Variants in KITLG observed in about 807,000 individuals in gnomAD.
The protein encoded by KITLG is c-Kit ligand.
KITLG carries 13 observed loss-of-function variants against 34.1 expected under a neutral mutation model. The observed-to-expected ratio is 0.38, with a 90% CI of 0.25 to 0.61. The LOEUF (loss-of-function observed/expected upper bound fraction) is 0.61. KITLG is among the 20% of genes least tolerant of loss of function. The pLI is 0.60. For missense variants in KITLG, 292 were observed against 318.9 expected (o/e 0.92, Z 0.64); for synonymous variants, 110 against 104.0 (o/e 1.06, Z -0.35).
At chr12:88,506,851 G>C (rs969156205) in intron 7 of KITLG, among the ~76,000 whole-genome samples, 177 bp downstream of exon 7, 18 of 152,182 alleles carry the variant, frequency 1.2e-4, no homozygotes, top group African/African-American at 4.3e-4. Flanking sequence ...TTATCAGCTA[G>C]AGGGATTGTC....
intron 1 of KITLG, among the ~76,000 whole-genome samples, chr12:88,563,723 G>A (rs1485922169): frequency 6.6e-6 from 1 of 152,210 alleles, no homozygotes; most frequent in Non-Finnish European, 1.5e-5. Context: ...CAATTTGGGA[G>A]ACCAAGGTGG....
At chr12:88,553,559 T>C (rs760886405) in intron 1 of KITLG, among the ~76,000 whole-genome samples, 7 of 152,224 alleles carry the variant, frequency 4.6e-5, no homozygotes, top group Non-Finnish European at 1.0e-4. Flanking sequence ...ACCCCTCATT[T>C]CTGGATAGTC....
rs1357318918 is a variant in KITLG at position 88,495,751 on chromosome 12, TG to T, written c.*1467del. 1 of 152,292 alleles carries T rather than the reference TG, an allele frequency of 6.6e-6. No homozygotes were observed. Among genetic ancestry groups the T allele is most frequent in the East Asian group, 1.9e-4 (1 of 5,196 alleles). 9.4% of individuals were successfully genotyped at this position (152,292 alleles called of 1,614,324 possible). ...ACTGTCATCTTACGGTTGTAGAACA[TG>T]GCAATAATGTTATCACAAAGATTAA... is the stretch of plus-strand genomic sequence containing the variant. On this transcript the variant is annotated 3_prime_UTR_variant, in exon 10 of 10. Coordinates refer to ENST00000644744, the MANE Select transcript of KITLG (RefSeq NM_000899.5).
intron 3 of KITLG, among the ~76,000 whole-genome samples, chr12:88,521,762 G>A (rs892284453): frequency 1.3e-5 from 2 of 152,088 alleles, no homozygotes; most frequent in Non-Finnish European, 2.9e-5. Context: ...ATTCTGCTTT[G>A]AGTGTAAAAA....
chr12:88,516,812 C>A, intron 4 of KITLG, among the ~76,000 whole-genome samples: 1 of 147,506 alleles, frequency 6.8e-6, no homozygotes. Context: ...TTAAAAGACC[C>A]CTCCATTACA....
intron 3 of KITLG, among the ~76,000 whole-genome samples, chr12:88,525,402 A>G (rs1355757531): frequency 6.6e-6 from 1 of 152,212 alleles, no homozygotes; most frequent in Non-Finnish European, 1.5e-5. Flanking sequence ...TTTTGCCAAG[A>G]GTTAAATGTT....
chr12:88,507,313 T>C (rs1408130783), intron 6 of KITLG, among the ~76,000 whole-genome samples, 176 bp from the exon 7 acceptor site: 2 of 152,194 alleles, frequency 1.3e-5, no homozygotes, highest in African/African-American at 2.4e-5. Flanking sequence ...TATAAATCCA[T>C]GTAGTCTCCA....
chr12:88,563,502 C>T (rs1484650824), intron 1 of KITLG, among the ~76,000 whole-genome samples: 1 of 152,224 alleles, frequency 6.6e-6, no homozygotes, highest in African/African-American at 2.4e-5. Flanking sequence ...AATGACACTT[C>T]ATCCCTCCCC....
chr12:88,508,188 A>T (rs371458334), intron 6 of KITLG, among the ~76,000 whole-genome samples: 10 of 143,592 alleles, frequency 7.0e-5, no homozygotes, highest in African/African-American at 2.5e-4. Flanking sequence ...CTCTGTCTTT[A>T]AAAAAAAAAA....
At chr12:88,541,851 G>GT in intron 2 of KITLG, among the ~76,000 whole-genome samples, 2 of 152,270 alleles carry the variant, frequency 1.3e-5, no homozygotes, top group African/African-American at 4.8e-5. Flanking sequence ...CATAAATCAT[G>GT]GGCTTCTGTG....
At chr12:88,579,040 C>T (rs1592593174) in intron 1 of KITLG, among the ~76,000 whole-genome samples, 1 of 152,148 alleles carries the variant, frequency 6.6e-6, no homozygotes, top group African/African-American at 2.4e-5. Flanking sequence ...AGAGACTATG[C>T]AAGCCTCTTT....
At chr12:88,527,051 G>GTA (rs1453111421) in intron 3 of KITLG, among the ~76,000 whole-genome samples, 8 of 151,860 alleles carry the variant, frequency 5.3e-5, no homozygotes, top group African/African-American at 1.9e-4. Context: ...TGTATTTTTA[G>GTA]TATAGACGGG....
At chr12:88,513,295 T>C (rs181419815) in intron 6 of KITLG, among the ~76,000 whole-genome samples, 2 of 149,606 alleles carry the variant, frequency 1.3e-5, no homozygotes, top group Admixed American at 1.3e-4. Context: ...CTGTTGAAAA[T>C]CCAACACTAA....
intron 1 of KITLG, among the ~76,000 whole-genome samples, chr12:88,548,160 A>G (rs1401453098): frequency 6.6e-6 from 1 of 152,082 alleles, no homozygotes; most frequent in Admixed American, 6.6e-5. Context: ...CTGAGTTTTA[A>G]GAAAGGTTAG....
intron 9 of KITLG, among the ~76,000 whole-genome samples, chr12:88,502,020 T>C (rs1486287413): frequency 1.3e-5 from 2 of 152,232 alleles, no homozygotes; most frequent in South Asian, 2.1e-4. Flanking sequence ...ATGAAATCTA[T>C]TTAGAGGGCC....
At chr12:88,544,917 C>A (rs987345260) in intron 2 of KITLG, among the ~76,000 whole-genome samples, 1 of 152,050 alleles carries the variant, frequency 6.6e-6, no homozygotes, top group Non-Finnish European at 1.5e-5. Flanking sequence ...CATATCACAA[C>A]CCTCATTTCT....
intron 1 of KITLG, among the ~76,000 whole-genome samples, chr12:88,559,580 T>C (rs1156432866): frequency 6.6e-6 from 1 of 152,204 alleles, no homozygotes; most frequent in East Asian, 1.9e-4. Flanking sequence ...GTAGACTATA[T>C]TGTCCAAAAT....
chr12:88,532,617 T>C (rs1870140268), intron 2 of KITLG, 114 bp from the exon 3 acceptor site: 3 of 720,618 alleles, frequency 4.2e-6, no homozygotes, highest in Non-Finnish European at 7.2e-6. Context: ...AAGTTACCAA[T>C]GAATTTCAAT....
intron 2 of KITLG, among the ~76,000 whole-genome samples, chr12:88,544,463 A>G (rs1870636271): frequency 6.6e-6 from 1 of 151,970 alleles, no homozygotes; most frequent in African/African-American, 2.4e-5. Context: ...CAAACTAACA[A>G]GCAACTCAAG....
Sources: allele counts gnomAD v4.1 joint callset (sites outside exome capture counted in the v4.1 genomes callset), GRCh38; gene constraint gnomAD v4.1.1; transcripts MANE v1.5; gene names NCBI Gene and HGNC (gene_info 2026-07-23, HGNC 2026-07-21).